Variants in P3H2 observed in about 807,000 individuals in gnomAD.
The protein encoded by P3H2 is leprecan-like 1.
A neutral mutation model predicts 87.0 loss-of-function variants in P3H2; 80 were observed. The observed-to-expected ratio is 0.92, with a 90% CI of 0.77 to 1.11. The LOEUF (loss-of-function observed/expected upper bound fraction) is 1.11. Among genes scored for constraint, P3H2 ranks in the 50% least tolerant of loss-of-function variants. The probability of loss-of-function intolerance (pLI) is 0.00; values close to 1 mark genes in which losing one functional copy is unlikely to be tolerated. For synonymous variants in P3H2, 367 were observed against 359.3 expected, an observed-to-expected ratio of 1.02 and a Z score of -0.24; for missense variants, 1,001 against 923.9, an observed-to-expected ratio of 1.08 and a Z score of -1.08.
At chr3:189,973,091 T>A in intron 10 of P3H2, 67 bp from the exon 11 acceptor site, 1 of 1,409,000 alleles carries the variant, frequency 7.1e-7, no homozygotes, top group Non-Finnish European at 9.9e-7. Context: ...AAACAGGCAC[T>A]AGCTTGCATT....
At chr3:190,104,695 AC>A (rs1251701076) in intron 1 of P3H2, among the ~76,000 whole-genome samples, 4 of 148,676 alleles carry the variant, frequency 2.7e-5, no homozygotes, top group African/African-American at 9.8e-5. Flanking sequence ...AATTCCTAGC[AC>A]GGATGTCCTG....
intron 1 of P3H2, among the ~76,000 whole-genome samples, chr3:190,078,422 T>C (rs1194788104): frequency 6.6e-6 from 1 of 152,198 alleles, no homozygotes; most frequent in Non-Finnish European, 1.5e-5. Flanking sequence ...AGAAAGTATA[T>C]GTCAATCATT....
At position 190,090,686 on chromosome 3, in the gene P3H2, G is replaced by C. The variant is rs1033919438; in HGVS notation, c.480+29566C>G. Among the ~76,000 whole-genome samples the C allele has an allele frequency of 4.1e-5, 6 of 148,024 alleles. No homozygotes were observed. In the East Asian group the frequency reaches 1.2e-3, roughly 29 times the overall value. ...CCACTGCACTCCAGCCTGGGTGACA[G>C]AGCAAGACTCTGACTCAAAAAAAAA... On this transcript the variant is annotated intron_variant, in intron 1 of 14. Transcript: ENST00000319332.
chr3:190,037,849 T>C (rs184166713), intron 1 of P3H2, among the ~76,000 whole-genome samples: 1 of 152,260 alleles, frequency 6.6e-6, no homozygotes, highest in East Asian at 1.9e-4. Context: ...AATATTTCTA[T>C]TGCAATGAAA....
chr3:190,081,265 T>G (rs1450031990), intron 1 of P3H2, among the ~76,000 whole-genome samples: 2 of 152,180 alleles, frequency 1.3e-5, no homozygotes, highest in African/African-American at 4.8e-5. Context: ...AAAATAGAGA[T>G]TATAGTATGA....
intron 1 of P3H2, among the ~76,000 whole-genome samples, chr3:190,052,269 G>A (rs1399514781): frequency 6.6e-6 from 1 of 151,934 alleles, no homozygotes. Context: ...AAGCCCCGGT[G>A]TGTGATGTTA....
intron 1 of P3H2, among the ~76,000 whole-genome samples, chr3:190,030,442 C>T (rs1200704725): frequency 6.6e-6 from 1 of 152,100 alleles, no homozygotes; most frequent in Non-Finnish European, 1.5e-5. Flanking sequence ...TGATGGCACG[C>T]AACCCTGGAG....
intron 8 of P3H2, among the ~76,000 whole-genome samples, chr3:189,977,303 G>A (rs947159771): frequency 2.6e-5 from 4 of 152,092 alleles, no homozygotes; most frequent in African/African-American, 4.8e-5. Context: ...TGCCTTCTCC[G>A]CTGCCATGCT....
chr3:190,050,149 C>T (rs1190963991), intron 1 of P3H2, among the ~76,000 whole-genome samples: 3 of 152,192 alleles, frequency 2.0e-5, no homozygotes, highest in African/African-American at 7.2e-5. Context: ...TTGCTACTTT[C>T]CAAAAGAGTT....
At chr3:190,089,596 C>T (rs967080239) in intron 1 of P3H2, among the ~76,000 whole-genome samples, 1 of 152,174 alleles carries the variant, frequency 6.6e-6, no homozygotes, top group Non-Finnish European at 1.5e-5. Context: ...GTCACACATA[C>T]CTTATGCCTC....
In P3H2 at chr3:190,079,724, C is replaced by T. The variant is rs535083614; in HGVS notation, c.480+40528G>A. On this transcript the variant is annotated intron_variant, in intron 1 of 14. Coordinates refer to ENST00000319332, the MANE Select transcript of P3H2 (RefSeq NM_018192.4). ...CACAGGAATGCATTAGCCATTGAAC[C>T]TCCCCCTTCTTAATTCACTGATTTC... Among the ~76,000 whole-genome samples, 11 of 152,232 alleles carry T rather than the reference C, an allele frequency of 7.2e-5. No homozygotes were observed. The South Asian group carries it at 1.5e-3, about 20-fold the overall frequency.
At chr3:189,981,561 G>A (rs958612609) in intron 8 of P3H2, among the ~76,000 whole-genome samples, 1 of 151,958 alleles carries the variant, frequency 6.6e-6, no homozygotes, top group African/African-American at 2.4e-5. Flanking sequence ...TAGCCACTTC[G>A]TCCTAGACAA....
At chr3:190,062,519 C>T (rs1324859845) in intron 1 of P3H2, among the ~76,000 whole-genome samples, 1 of 152,132 alleles carries the variant, frequency 6.6e-6, no homozygotes, top group Non-Finnish European at 1.5e-5. Flanking sequence ...ACTGCTTTAT[C>T]ACTAAATGTA....
intron 1 of P3H2, among the ~76,000 whole-genome samples, chr3:190,019,787 T>A (rs4687118): frequency 0.41 from 19,674 of 48,106 alleles, 4,697 homozygotes; most frequent in East Asian, 0.76. Context: ...AATTAAAAAA[T>A]ATATATATAT....
intron 1 of P3H2, among the ~76,000 whole-genome samples, chr3:190,005,290 T>G (rs1222198251): frequency 1.3e-5 from 2 of 152,122 alleles, no homozygotes; most frequent in African/African-American, 2.4e-5. Flanking sequence ...AAAGTATGGG[T>G]TTATTTAGTG....
chr3:190,120,654 G>A lies in P3H2; in HGVS notation c.78C>T (p.Pro26=), dbSNP rs753205259. The change falls in exon 1 of 15, where the codon CCC becomes CCT. Residue 26 remains proline, a synonymous_variant. Coordinates refer to ENST00000319332, the MANE Select transcript of P3H2 (RefSeq NM_018192.4). ...CCAGCTCCCGGCGTGGGCTGTCCGG[G>A]GGGCCGCCCCACAGTGGCGGCGGCA... ...LLLPPPLWGG[P]PDSPRRELEL... The A allele has an allele frequency of 3.8e-5, 58 of 1,525,532 alleles. No individual in the cohort carries two copies. In the African/African-American group the frequency reaches 7.2e-4, roughly 19 times the overall value. 94.5% of individuals were successfully genotyped at this position (1,525,532 alleles called of 1,614,324 possible). A position where few individuals can be genotyped will look rare whatever the true frequency, so the allele number is the denominator to read the frequency against.
chr3:190,059,502 A>G (rs1343077768), intron 1 of P3H2, among the ~76,000 whole-genome samples: 1 of 152,100 alleles, frequency 6.6e-6, no homozygotes, highest in African/African-American at 2.4e-5. Context: ...ATGGTGAAAG[A>G]AGCAAAGACT....
intron 1 of P3H2, among the ~76,000 whole-genome samples, chr3:190,098,263 TAA>T (rs1298786720): frequency 6.6e-6 from 1 of 152,150 alleles, no homozygotes; most frequent in Non-Finnish European, 1.5e-5. Flanking sequence ...AAGGAGAAAC[TAA>T]GTTTCCAAAA....
chr3:190,042,031 A>G (rs886100294), intron 1 of P3H2, among the ~76,000 whole-genome samples: 1 of 152,232 alleles, frequency 6.6e-6, no homozygotes, highest in African/African-American at 2.4e-5. Flanking sequence ...TAAGTGCCTA[A>G]ACCAATGGCT....
Sources: gnomAD v4.1 joint callset for allele counts (sites outside exome capture counted in the v4.1 genomes callset) on GRCh38, gnomAD v4.1.1 for gene constraint, MANE v1.5 for transcripts, NCBI Gene and HGNC (gene_info 2026-07-23, HGNC 2026-07-21) for gene names.